BMPR1B: variants seen among roughly 807,000 people sequenced by gnomAD.
The protein encoded by BMPR1B is bone morphogenetic protein receptor type 1B, also known as bone morphogenetic protein receptor type-1B.
In BMPR1B, 12 loss-of-function variants were observed where a neutral mutation model predicts 59.1. The observed-to-expected ratio is 0.20, with a 90% CI of 0.13 to 0.33. The LOEUF (loss-of-function observed/expected upper bound fraction) is 0.33, where lower values mean the gene tolerates loss of function less well. Among genes scored for constraint, BMPR1B ranks in the 10% least tolerant of loss-of-function variants. BMPR1B has a pLI of 1.00. For synonymous variants in BMPR1B, 237 were observed against 207.3 expected (o/e 1.14, Z -1.23); for missense variants, 550 against 610.9 (o/e 0.90, Z 1.05).
At chr4:95,019,633 A>G (rs1229295046) in intron 3 of BMPR1B, among the ~76,000 whole-genome samples, 2 of 152,160 alleles carry the variant, frequency 1.3e-5, no homozygotes, top group East Asian at 3.9e-4. Flanking sequence ...AGTGAGAGAA[A>G]GGGAGGGAGG....
At chr4:94,921,225 G>A (rs1462196878) in intron 2 of BMPR1B, among the ~76,000 whole-genome samples, 1 of 152,036 alleles carries the variant, frequency 6.6e-6, no homozygotes, top group Non-Finnish European at 1.5e-5. Flanking sequence ...ACCTCAGAGT[G>A]CACTGTTAGC....
At chr4:95,118,968 C>T (rs1010980547) in intron 6 of BMPR1B, among the ~76,000 whole-genome samples, 6 of 152,090 alleles carry the variant, frequency 3.9e-5, no homozygotes, top group African/African-American at 1.4e-4. Flanking sequence ...TCTCATTGCT[C>T]TCATAAATCA....
At chr4:95,145,883 A>G (rs1341526920) in intron 10 of BMPR1B, among the ~76,000 whole-genome samples, 7 of 152,230 alleles carry the variant, frequency 4.6e-5, no homozygotes, top group African/African-American at 1.7e-4. Context: ...TCCTTCTAGA[A>G]ATTGGTAAGA....
chr4:95,135,547 G>A (rs951996649), intron 10 of BMPR1B, among the ~76,000 whole-genome samples: 1 of 152,120 alleles, frequency 6.6e-6, no homozygotes, highest in Non-Finnish European at 1.5e-5. Context: ...TTGAGCAGTG[G>A]TTTGTAGTTC....
At position 95,056,284 on chromosome 4, in the gene BMPR1B, C is replaced by T. The variant is rs549604849; in HGVS notation, c.-17-48124C>T. Reference sequence around the variant, plus strand: ...GAATAGTAAAATACATAAGGATGATCTTGTGACTTTGCACTCTATTTTTAC... The same window carrying T: ...GAATAGTAAAATACATAAGGATGATTTTGTGACTTTGCACTCTATTTTTAC... On this transcript the variant is annotated intron_variant, in intron 3 of 12. Transcript: ENST00000515059. Among the ~76,000 whole-genome samples the T allele has an allele frequency of 7.2e-5, 11 of 152,176 alleles. No homozygotes were observed. In the East Asian group the frequency reaches 2.1e-3, roughly 29 times the overall value.
intron 1 of BMPR1B, among the ~76,000 whole-genome samples, chr4:94,792,473 T>G (rs974333380): frequency 4.6e-5 from 7 of 152,016 alleles, no homozygotes; most frequent in Non-Finnish European, 7.4e-5. Context: ...GATTACAACA[T>G]AACACACACA....
chr4:94,962,296 C>T (rs151320229), intron 2 of BMPR1B, among the ~76,000 whole-genome samples: 114 of 152,178 alleles, frequency 7.5e-4, no homozygotes, highest in African/African-American at 2.6e-3. Context: ...TGCCACCATG[C>T]TCAGCTAATT....
intron 3 of BMPR1B, among the ~76,000 whole-genome samples, chr4:95,088,871 C>A (rs982385150): frequency 6.6e-6 from 1 of 151,768 alleles, no homozygotes; most frequent in South Asian, 2.1e-4. Flanking sequence ...GTTTTGCCAC[C>A]CTGTAATTCT....
At chr4:94,922,025 G>C (rs1578805101) in intron 2 of BMPR1B, among the ~76,000 whole-genome samples, 1 of 152,170 alleles carries the variant, frequency 6.6e-6, no homozygotes, top group East Asian at 1.9e-4. Flanking sequence ...TGTCACCCAG[G>C]CTGGAGTGCA....
chr4:94,916,336 G>A (rs1226673310), intron 2 of BMPR1B, among the ~76,000 whole-genome samples: 1 of 152,156 alleles, frequency 6.6e-6, no homozygotes, highest in African/African-American at 2.4e-5. Context: ...GTTAAATGAT[G>A]GTGACCAAAA....
chr4:94,797,534 C>G (rs1367474200), intron 1 of BMPR1B, among the ~76,000 whole-genome samples: 1 of 152,080 alleles, frequency 6.6e-6, no homozygotes, highest in Non-Finnish European at 1.5e-5. Flanking sequence ...TTGAAAAGTG[C>G]TGGGAATTTT....
chr4:94,794,046 G>A (rs1370858837), intron 1 of BMPR1B, among the ~76,000 whole-genome samples: 2 of 150,820 alleles, frequency 1.3e-5, no homozygotes, highest in African/African-American at 2.4e-5. Context: ...GTCAATTTTG[G>A]CTTTTGTTGC....
intron 1 of BMPR1B, among the ~76,000 whole-genome samples, chr4:94,797,397 C>G (rs1723237513): frequency 6.6e-6 from 1 of 152,126 alleles, no homozygotes; most frequent in Non-Finnish European, 1.5e-5. Flanking sequence ...AGGGATTTAT[C>G]TTAAATGTGC....
intron 4 of BMPR1B, among the ~76,000 whole-genome samples, chr4:95,105,937 T>A (rs1435348900): frequency 6.6e-6 from 1 of 151,844 alleles, no homozygotes; most frequent in Non-Finnish European, 1.5e-5. Context: ...GTATTCAGAA[T>A]ACGCCTGTGT....
At chr4:95,015,205 C>T (rs116066276) in intron 3 of BMPR1B, among the ~76,000 whole-genome samples, 160 of 151,640 alleles carry the variant, frequency 1.1e-3, no homozygotes, top group African/African-American at 3.4e-3. Context: ...CTGACACACA[C>T]GAAAGAAAGA....
At chr4:94,938,869 T>C (rs1729411615) in intron 2 of BMPR1B, among the ~76,000 whole-genome samples, 2 of 151,332 alleles carry the variant, frequency 1.3e-5, no homozygotes, top group Admixed American at 1.3e-4. Context: ...TAATTAGCCA[T>C]GTGTGGGGGC....
intron 2 of BMPR1B, among the ~76,000 whole-genome samples, chr4:94,942,722 A>C (rs1479287212): frequency 6.6e-6 from 1 of 152,228 alleles, no homozygotes; most frequent in Non-Finnish European, 1.5e-5. Context: ...TATTGAACTG[A>C]ATTCTGGCCT....
intron 10 of BMPR1B, among the ~76,000 whole-genome samples, chr4:95,134,544 T>C (rs1320150882): frequency 2.6e-5 from 4 of 152,212 alleles, no homozygotes; most frequent in African/African-American, 7.2e-5. Context: ...TTCCTGACTT[T>C]TTAATGATCA....
At chr4:94,817,992 T>C (rs1246474893) in intron 1 of BMPR1B, among the ~76,000 whole-genome samples, 1 of 152,180 alleles carries the variant, frequency 6.6e-6, no homozygotes, top group Non-Finnish European at 1.5e-5. Flanking sequence ...ATTAAATCAA[T>C]TAAATCAGAA....
Sources: gnomAD v4.1 joint callset for allele counts (sites outside exome capture counted in the v4.1 genomes callset) on GRCh38, gnomAD v4.1.1 for gene constraint, MANE v1.5 for transcripts, NCBI Gene and HGNC (gene_info 2026-07-23, HGNC 2026-07-21) for gene names.